FOXA2: variants seen among roughly 807,000 people sequenced by gnomAD.
FOXA2 encodes the protein hepatocyte nuclear factor 3-beta.
Under a neutral mutation model 33.3 loss-of-function variants are expected in FOXA2, and 9 were observed. That is an observed-to-expected ratio of 0.27 (90% CI 0.16 to 0.47). The LOEUF (loss-of-function observed/expected upper bound fraction) is 0.47. Among genes scored for constraint, FOXA2 ranks in the 20% least tolerant of loss-of-function variants. The pLI, the probability that FOXA2 is intolerant of heterozygous loss-of-function variation, is 0.99. For synonymous variants in FOXA2, 329 were observed against 289.4 expected (o/e 1.14, Z -1.39); for missense variants, 704 against 659.9 (o/e 1.07, Z -0.73).
In FOXA2 at chr20:22,582,018, G is replaced by C. The variant is rs1448516922; in HGVS notation, c.1224C>G (p.Leu408=). The change falls in exon 2 of 2, where the codon CTC becomes CTG. Residue 408 remains leucine (L), a synonymous_variant. Transcript: ENST00000419308. ...AGTGCATCACCTGTTCGTAGGCCTT[G>C]AGGTCCATTTTGTGGGGTTGGTGGT... ...HHHHQPHKMD[L]KAYEQVMHYP... 1 of 1,614,096 alleles carries C rather than the reference G, an allele frequency of 6.2e-7. No individual in the cohort carries two copies. The highest frequency in any genetic ancestry group is 8.5e-7 in the Non-Finnish European group (1 of 1,180,042).
In FOXA2 at chr20:22,582,257, T is replaced by G; in HGVS notation, c.985A>C (p.Lys329Gln). Residue 329 changes from lysine to glutamine, a missense_variant, in exon 2 of 2, where the codon AAG (lysine) becomes CAG (glutamine). Around this residue, in one of 5 missense-constraint regions of FOXA2, gnomAD observed 343 missense variants for 274.8 expected, o/e 1.25. Coordinates refer to ENST00000419308, the MANE Select transcript of FOXA2 (RefSeq NM_021784.5). ...CTCAGCGCCGCAGCCGGCGTCCCCT[T>G]CAGCTCTCCCAGGCCCCCTCGCTTG... ...EHKRGGLGEL[K>Q]GTPAAALSPP... is the part of the protein sequence containing the mutation. 1 of 1,470,726 alleles carries G rather than the reference T, an allele frequency of 6.8e-7. No individual in the cohort carries two copies. Among genetic ancestry groups the G allele is most frequent in the East Asian group, 2.5e-5 (1 of 39,264 alleles). 91.1% of individuals were successfully genotyped at this position (1,470,726 alleles called of 1,614,324 possible). A position where few individuals can be genotyped will look rare whatever the true frequency, so the allele number is the denominator to read the frequency against.
Position 22,582,462 on chromosome 20 carries a change from G to A in FOXA2, c.780C>T (p.Arg260=), listed in dbSNP as rs1984614640. Residue 260 remains arginine (R), a synonymous_variant, in exon 2 of 2, where the codon CGC becomes CGT. Coordinates refer to ENST00000419308, the MANE Select transcript of FOXA2 (RefSeq NM_021784.5). ...ENGCYLRRQK[R]FKCEKQLALK... ...GCGCCAGCTGCTTCTCGCACTTGAAGCGCTTCTGGCGGCGCAGGTAGCAGC... is the reference window on the plus strand; with the variant it reads ...GCGCCAGCTGCTTCTCGCACTTGAAACGCTTCTGGCGGCGCAGGTAGCAGC... 1 of 1,613,026 alleles carries A rather than the reference G, an allele frequency of 6.2e-7. No individual in the cohort carries two copies. Among genetic ancestry groups the A allele is most frequent in the Non-Finnish European group, 8.5e-7 (1 of 1,179,686 alleles).
chr20:22,584,443 C>G lies in FOXA2; in HGVS notation c.-165G>C. On this transcript the variant is annotated 5_prime_UTR_variant, in exon 1 of 2. Coordinates refer to ENST00000419308, the MANE Select transcript of FOXA2 (RefSeq NM_021784.5). ...TCTCTCTCCCTGGGCAGGCCGGAGG[C>G]GGTAGTTGGAAGTGGGCGGGAGGTG... The G allele has an allele frequency of 2.5e-5, 10 of 400,994 alleles. No homozygotes were observed. Among genetic ancestry groups the G allele is most frequent in the Non-Finnish European group, 3.5e-5 (7 of 202,466 alleles). 24.8% of individuals were successfully genotyped at this position (400,994 alleles called of 1,614,324 possible). A position where few individuals can be genotyped will look rare whatever the true frequency, so the allele number is the denominator to read the frequency against.
At position 22,581,688 on chromosome 20, in the gene FOXA2, A is replaced by AG. The variant is rs3833331; in HGVS notation, c.*161dup. ...GGGACGGAACGGCTGCAGCGGGTGA[A>AG]GAAGACTGCTGTCTTGGGGGTGTTG... On this transcript the variant is annotated 3_prime_UTR_variant, in exon 2 of 2. Coordinates refer to ENST00000419308, the MANE Select transcript of FOXA2 (RefSeq NM_021784.5). 50,985 of 651,530 alleles carry AG rather than the reference A, an allele frequency of 0.078. 4,789 individuals are homozygous for AG. Among genetic ancestry groups the AG allele is most frequent in the African/African-American group, 0.35 (19,161 of 54,624 alleles). 40.4% of individuals were successfully genotyped at this position (651,530 alleles called of 1,614,324 possible).
At chr20:22,583,230 G>A (rs1984651969) in intron 1 of FOXA2, 76 bp from the exon 2 acceptor site, 4 of 1,534,758 alleles carry the variant, frequency 2.6e-6, no homozygotes, top group Non-Finnish European at 3.6e-6. Context: ...CCCACCCACC[G>A]CCCAGGCCTC....
chr20:22,584,865 G>C (rs945334066), upstream of FOXA2, among the ~76,000 whole-genome samples: 2 of 152,090 alleles, frequency 1.3e-5, no homozygotes, highest in Admixed American at 6.5e-5. Context: ...CGCAGCCGGC[G>C]CTCCGCACCT....
Position 22,581,722 on chromosome 20 carries a change from G to T in FOXA2, c.*128C>A. On this transcript the variant is annotated 3_prime_UTR_variant, in exon 2 of 2. Coordinates refer to ENST00000419308, the MANE Select transcript of FOXA2 (RefSeq NM_021784.5). ...CTGTCTTGGGGGTGTTGGGGTGGGG[G>T]TGTTATGGATTTCTTCTCCCTTGCG... 2.4e-6 allele frequency: 2 copies of T among 835,288 alleles called. No homozygotes were observed. Among genetic ancestry groups the T allele is most frequent in the South Asian group, 3.3e-5 (2 of 61,372 alleles). 51.7% of individuals were successfully genotyped at this position (835,288 alleles called of 1,614,324 possible).
In FOXA2 at chr20:22,582,266, C is replaced by G; in HGVS notation, c.976G>C (p.Gly326Arg). ...PCQEHKRGGLGELKGTPAAAL... is the reference protein window; with the variant it reads ...PCQEHKRGGLRELKGTPAAAL... ...GCAGCCGGCGTCCCCTTCAGCTCTC[C>G]CAGGCCCCCTCGCTTGTGCTCCTGG... Residue 326 changes from glycine to arginine, a missense_variant, in exon 2 of 2, where the codon GGA becomes CGA. Gly to Arg is a moderately radical substitution (Grantham distance 125). This residue lies in a region of FOXA2 where 343 missense variants were observed against 274.8 expected (regional missense o/e 1.25). Coordinates refer to ENST00000419308, the MANE Select transcript of FOXA2 (RefSeq NM_021784.5). The G allele has an allele frequency of 6.8e-7, 1 of 1,467,782 alleles. No homozygotes were observed. Among genetic ancestry groups the G allele is most frequent in the African/African-American group, 1.5e-5 (1 of 68,496 alleles). The allele number at this position is 1,467,782 out of a possible 1,614,324, so 90.9% of individuals were successfully genotyped here.
At chr20:22,584,107 G>T (rs1176203799) in intron 1 of FOXA2, 85 bp downstream of exon 1, 8 of 1,312,388 alleles carry the variant, frequency 6.1e-6, no homozygotes, top group South Asian at 3.5e-5. Context: ...GGGGTGGGGG[G>T]GTGCCAGCGA....
Position 22,581,754 on chromosome 20 carries a change from C to T in FOXA2, c.*96G>A. The stretch of plus-strand genomic sequence containing the variant: ...GGATTTCTTCTCCCTTGCGTCTCTG[C>T]AACACCGTCTCCCCAAAGTCTCGAC... On this transcript the variant is annotated 3_prime_UTR_variant, in exon 2 of 2. Transcript: ENST00000419308. 8.3e-7 allele frequency: 1 copy of T among 1,202,322 alleles called. No individual in the cohort carries two copies. Among genetic ancestry groups the T allele is most frequent in the Non-Finnish European group, 1.2e-6 (1 of 826,160 alleles). The allele number at this position is 1,202,322 out of a possible 1,614,324, so 74.5% of individuals were successfully genotyped here. A position where few individuals can be genotyped will look rare whatever the true frequency, so the allele number is the denominator to read the frequency against.
upstream of FOXA2, among the ~76,000 whole-genome samples, chr20:22,584,712 G>A (rs948885020): frequency 1.3e-5 from 2 of 150,978 alleles, no homozygotes; most frequent in Admixed American, 6.6e-5. Context: ...AGGAGGAGGA[G>A]GAGGTGTGGA....
chr20:22,582,962 C>T lies in FOXA2; in HGVS notation c.280G>A (p.Ala94Thr), dbSNP rs748287662. 11 of 1,599,442 alleles carry T rather than the reference C, an allele frequency of 6.9e-6. No individual in the cohort carries two copies. Among genetic ancestry groups the T allele is most frequent in the Admixed American group, 1.7e-5 (1 of 59,362 alleles). The change falls in exon 2 of 2, where the codon GCG becomes ACG. Residue 94 changes from alanine to threonine, a missense_variant. Physicochemically the swap from Ala to Thr is moderately conservative, Grantham distance 58. Coordinates refer to ENST00000419308, the MANE Select transcript of FOXA2 (RefSeq NM_021784.5). Reference protein sequence around the residue: ...AGMSPGAGAMAGMGGSAGAAG... With the variant: ...AGMSPGAGAMTGMGGSAGAAG... ...GCCCCGGCCGAGCCGCCCATGCCCG[C>T]CATGGCGCCCGCGCCGGGGGACATC...
At chr20:22,583,259 C>T (rs538965220) in intron 1 of FOXA2, 105 bp from the exon 2 acceptor site, 1 of 1,236,862 alleles carries the variant, frequency 8.1e-7, no homozygotes, top group African/African-American at 1.5e-5. Context: ...GGGAGGCCTC[C>T]GGGGAGCCCT....
At position 22,582,989 on chromosome 20, in the gene FOXA2, C is replaced by T. The variant is rs764618950; in HGVS notation, c.253G>A (p.Gly85Arg). 25 of 1,605,868 alleles carry T rather than the reference C, an allele frequency of 1.6e-5. No homozygotes were observed. In the South Asian group the frequency reaches 2.8e-4, roughly 18 times the overall value. Residue 85 changes from glycine (G) to arginine (R), a missense_variant, in exon 2 of 2, where the codon GGG becomes AGG. Gly to Arg is a moderately radical substitution (Grantham distance 125). Around this residue, in one of 5 missense-constraint regions of FOXA2, gnomAD observed 304 missense variants for 251.7 expected, o/e 1.21. Transcript: ENST00000419308. ...ATGGCGCCCGCGCCGGGGGACATCCCCGCCAGGGACGGGCTCATGCCAGCG... is the reference window on the plus strand; with the variant it reads ...ATGGCGCCCGCGCCGGGGGACATCCTCGCCAGGGACGGGCTCATGCCAGCG... ...VGAGMSPSLA[G>R]MSPGAGAMAG... is the part of the protein sequence containing the mutation.
chr20:22,584,376 T>G lies in FOXA2; in HGVS notation c.-98A>C. 2.4e-6 allele frequency: 2 copies of G among 825,210 alleles called. No homozygotes were observed. Among genetic ancestry groups the G allele is most frequent in the Non-Finnish European group, 1.9e-6 (1 of 527,914 alleles). The allele number at this position is 825,210 out of a possible 1,614,324, so 51.1% of individuals were successfully genotyped here. ...AGTCAGCCAAAGCACCGTCCCCTCC[T>G]CCCTCCCTCTCTCGCGCTCCCTCTC... On this transcript the variant is annotated 5_prime_UTR_variant, in exon 1 of 2. Transcript: ENST00000419308.
rs772278013 is a variant in FOXA2 at position 22,581,947 on chromosome 20, G to A, written c.1295C>T (p.Pro432Leu). 3 of 1,611,774 alleles carry A rather than the reference G, an allele frequency of 1.9e-6. No individual in the cohort carries two copies. Among genetic ancestry groups the A allele is most frequent in the African/African-American group, 2.7e-5 (2 of 74,856 alleles). Residue 432 changes from proline (P) to leucine (L), a missense_variant, in exon 2 of 2, where the codon CCG becomes CTG. Physicochemically the swap from Pro to Leu is moderately conservative, Grantham distance 98. Transcript: ENST00000419308. ...GTCCAGGCCCGTTTTGTTCGTGACC[G>A]GGCCCATGGCCAAGCTGCCAGGCAT... ...SPMPGSLAMG[P>L]VTNKTGLDAS... is the part of the protein sequence containing the mutation.
In FOXA2 at chr20:22,582,488, C is replaced by T; in HGVS notation, c.754G>A (p.Gly252Ser). The T allele has an allele frequency of 6.2e-7, 1 of 1,613,966 alleles. No homozygotes were observed. Among genetic ancestry groups the T allele is most frequent in the Non-Finnish European group, 8.5e-7 (1 of 1,179,974 alleles). Residue 252 changes from glycine (G) to serine (S), a missense_variant, in exon 2 of 2, where the codon GGC (glycine) becomes AGC (serine). Gly to Ser is a moderately conservative substitution (Grantham distance 56, BLOSUM62 0). This residue lies in a region of FOXA2 where 25 missense variants were observed against 55.3 expected (regional missense o/e 0.45). Coordinates refer to ENST00000419308, the MANE Select transcript of FOXA2 (RefSeq NM_021784.5). ...HPDSGNMFEN[G>S]CYLRRQKRFK... ...CGCTTCTGGCGGCGCAGGTAGCAGC[C>T]GTTCTCGAACATGTTGCCCGAGTCA...
chr20:22,581,990 G>T lies in FOXA2; in HGVS notation c.1252C>A (p.Pro418Thr). 6.2e-7 allele frequency: 1 copy of T among 1,614,110 alleles called. No individual in the cohort carries two copies. Among genetic ancestry groups the T allele is most frequent in the Non-Finnish European group, 8.5e-7 (1 of 1,179,950 alleles). The change falls in exon 2 of 2, where the codon CCC becomes ACC. Residue 418 changes from proline to threonine, a missense_variant. Coordinates refer to ENST00000419308, the MANE Select transcript of FOXA2 (RefSeq NM_021784.5). ...LKAYEQVMHY[P>T]GYGSPMPGSL... is the part of the protein sequence containing the mutation. The stretch of plus-strand genomic sequence containing the variant: ...CCAGGCATGGGGGAACCGTAGCCGG[G>T]GTAGTGCATCACCTGTTCGTAGGCC...
Position 22,584,456 on chromosome 20 carries a change from T to G in FOXA2, c.-178A>C. 7.4e-5 allele frequency: 27 copies of G among 364,830 alleles called. No homozygotes were observed. The highest frequency in any genetic ancestry group is 9.4e-4 in the Middle Eastern group (1 of 1,068). The allele number at this position is 364,830 out of a possible 1,614,324, so 22.6% of individuals were successfully genotyped here. A position where few individuals can be genotyped will look rare whatever the true frequency, so the allele number is the denominator to read the frequency against. On this transcript the variant is annotated 5_prime_UTR_variant, in exon 1 of 2. Coordinates refer to ENST00000419308, the MANE Select transcript of FOXA2 (RefSeq NM_021784.5). Reference sequence around the variant, plus strand: ...GCAGGCCGGAGGCGGTAGTTGGAAGTGGGCGGGAGGTGGGGGGGGGCGAGG... The same window carrying G: ...GCAGGCCGGAGGCGGTAGTTGGAAGGGGGCGGGAGGTGGGGGGGGGCGAGG...
Sources: allele counts gnomAD v4.1 joint callset (sites outside exome capture counted in the v4.1 genomes callset), GRCh38; gene constraint gnomAD v4.1.1; regional missense constraint gnomAD v4.1.1; transcripts MANE v1.5; gene names NCBI Gene and HGNC (gene_info 2026-07-23, HGNC 2026-07-21).